The following ARL2 variants were observed in gnomAD, a reference collection of about 807,000 sequenced individuals.
ARL2 encodes the protein ARF like GTPase 2.
In ARL2, 11 loss-of-function variants were observed where a neutral mutation model predicts 22.0. The ratio of observed to expected loss-of-function variants is 0.50; its 90% CI spans 0.31 to 0.83. The LOEUF (loss-of-function observed/expected upper bound fraction) is 0.83. Among genes scored for constraint, ARL2 ranks in the 40% least tolerant of loss-of-function variants. The pLI, the probability that ARL2 is intolerant of heterozygous loss-of-function variation, is 0.04. For synonymous variants in ARL2, 111 were observed against 100.8 expected (o/e 1.10, Z -0.61); for missense variants, 216 against 243.2 (o/e 0.89, Z 0.74).
At chr11:65,015,303 G>T (rs998860057) in intron 1 of ARL2, among the ~76,000 whole-genome samples, 3 of 152,158 alleles carry the variant, frequency 2.0e-5, no homozygotes, top group Non-Finnish European at 4.4e-5. Flanking sequence ...TGTTAGTAGA[G>T]ACGGGGTTTC....
intron 3 of ARL2, chr11:65,019,106 A>G (rs1946296533): frequency 2.3e-6 from 1 of 440,792 alleles, no homozygotes; most frequent in African/African-American, 2.1e-5. Flanking sequence ...GGGTGGTGGC[A>G]CGCACCTATA....
chr11:65,019,996 A>T (rs899139219), intron 3 of ARL2, among the ~76,000 whole-genome samples: 2 of 152,234 alleles, frequency 1.3e-5, no homozygotes, highest in Non-Finnish European at 2.9e-5. Context: ...TCAGAGGTGG[A>T]CAGTGAGGCC....
Position 65,021,745 on chromosome 11 carries a change from A to G in ARL2, c.445A>G (p.Ser149Gly), listed in dbSNP as rs1030977007. Reference protein sequence around the residue: ...REVLELDSIRSHHWCIQGCSA... With the variant: ...REVLELDSIRGHHWCIQGCSA... ...GGTCCTGGAGCTGGACTCCATCCGC[A>G]GCCACCACTGGTGCATCCAGGGCTG... Residue 149 changes from serine to glycine, a missense_variant, in exon 5 of 5, where the codon AGC becomes GGC. Physicochemically the swap from Ser to Gly is moderately conservative, Grantham distance 56. Coordinates refer to ENST00000246747, the MANE Select transcript of ARL2 (RefSeq NM_001667.4). 3.7e-6 allele frequency: 6 copies of G among 1,607,944 alleles called. No individual in the cohort carries two copies. Among genetic ancestry groups the G allele is most frequent in the Non-Finnish European group, 5.1e-6 (6 of 1,177,228 alleles).
Position 65,018,793 on chromosome 11 carries a change from G to A in ARL2, c.339+60G>A. 6.3e-7 allele frequency: 1 copy of A among 1,599,096 alleles called. No individual in the cohort carries two copies. Among genetic ancestry groups the A allele is most frequent in the African/African-American group, 1.3e-5 (1 of 74,908 alleles). ...ACGTGTGGCTGCCTTCTCAGCAGAT[G>A]CCCAGAGGGGCCCGTGGCCCCAGAG... On this transcript the variant is annotated intron_variant, in intron 3 of 4. Coordinates refer to ENST00000246747, the MANE Select transcript of ARL2 (RefSeq NM_001667.4). This position sits in a 1 kb window ranked among gnomAD's most constrained non-coding sequence, Gnocchi z 4.2.
In ARL2 at chr11:65,018,627, G is replaced by A. The variant is rs773171394; in HGVS notation, c.233G>A (p.Arg78Gln). 1.1e-5 allele frequency: 17 copies of A among 1,613,684 alleles called. No individual in the cohort carries two copies. The highest frequency in any genetic ancestry group is 4.5e-5 in the East Asian group (2 of 44,874). ...GGQKSLRSYW[R>Q]NYFESTDGLI... Reference sequence around the variant, plus strand: ...CAGAAGTCCCTGCGGTCCTACTGGCGGAACTACTTTGAGAGCACCGATGGC... The same window carrying A: ...CAGAAGTCCCTGCGGTCCTACTGGCAGAACTACTTTGAGAGCACCGATGGC... Residue 78 changes from arginine to glutamine, a missense_variant, in exon 3 of 5, where the codon CGG becomes CAG. By Grantham distance (43) the Arg-to-Gln change is conservative (BLOSUM62 1). Transcript: ENST00000246747. This position sits in a 1 kb window ranked among gnomAD's most constrained non-coding sequence, Gnocchi z 4.2.
intron 1 of ARL2, among the ~76,000 whole-genome samples, chr11:65,015,356 A>T (rs1946237619): frequency 6.6e-6 from 1 of 152,162 alleles, no homozygotes; most frequent in Admixed American, 6.6e-5. Context: ...ACCTCAAGTG[A>T]TCCACCCGCC....
chr11:65,019,782 G>A (rs1026377231), intron 3 of ARL2, among the ~76,000 whole-genome samples: 1 of 152,182 alleles, frequency 6.6e-6, no homozygotes, highest in African/African-American at 2.4e-5. Context: ...TGAAAATGAG[G>A]ACACTTGTGA....
rs367666014 is a variant in ARL2, at chr11:65,020,489, C to A, written c.410C>A (p.Ala137Asp). 2.7e-5 allele frequency: 43 copies of A among 1,610,364 alleles called. No individual in the cohort carries two copies. Among genetic ancestry groups the A allele is most frequent in the Non-Finnish European group, 3.6e-5 (43 of 1,178,230 alleles). Residue 137 changes from alanine to aspartate, a missense_variant, in exon 4 of 5, where the codon GCC becomes GAC. Coordinates refer to ENST00000246747, the MANE Select transcript of ARL2 (RefSeq NM_001667.4). ...QDLPGALSSN[A>D]IREVLELDSI... Reference sequence around the variant, plus strand: ...CTGCCTGGAGCACTGTCCTCTAACGCCATCCGCGAGGTGAGTCCAGGCCCC... The same window carrying A: ...CTGCCTGGAGCACTGTCCTCTAACGACATCCGCGAGGTGAGTCCAGGCCCC...
Position 65,020,390 on chromosome 11 carries a change from A to G in ARL2, c.340-29A>G. On this transcript the variant is annotated intron_variant, in intron 3 of 4. Transcript: ENST00000246747. ...GGGTCAGGCTGTCCTCTGAGTCCCC[A>G]CCCCACCCCTCTATCTTTTCTCCCC... The G allele has an allele frequency of 1.4e-6, 2 of 1,479,372 alleles. 1 individual carries two copies. The highest frequency in any genetic ancestry group is 2.3e-5 in the South Asian group (2 of 86,720). The allele number at this position is 1,479,372 out of a possible 1,614,324, so 91.6% of individuals were successfully genotyped here.
chr11:65,021,933 C>A lies in ARL2; in HGVS notation c.*78C>A. On this transcript the variant is annotated 3_prime_UTR_variant, in exon 5 of 5. Coordinates refer to ENST00000246747, the MANE Select transcript of ARL2 (RefSeq NM_001667.4). ...ACACTACCCATGGGGGGTTGGGAGT[C>A]AGCCGGCCAAACTAACACTCCCCCT... is the stretch of plus-strand genomic sequence containing the variant. The A allele has an allele frequency of 6.5e-7, 1 of 1,543,626 alleles. No homozygotes were observed. Among genetic ancestry groups the A allele is most frequent in the Non-Finnish European group, 8.8e-7 (1 of 1,142,530 alleles).
chr11:65,015,075 G>A (rs1256564771), intron 1 of ARL2, among the ~76,000 whole-genome samples: 1 of 152,052 alleles, frequency 6.6e-6, no homozygotes, highest in African/African-American at 2.4e-5. Context: ...AAAACTCTGG[G>A]AATATAGGCA....
Position 65,018,417 on chromosome 11 carries a change from A to G in ARL2, c.119A>G (p.Asp40Gly). 2 of 1,609,870 alleles carry G rather than the reference A, an allele frequency of 1.2e-6. No individual in the cohort carries two copies. Among genetic ancestry groups the G allele is most frequent in the Non-Finnish European group, 8.5e-7 (1 of 1,178,482 alleles). ...ATCCTGAAGAAGTTCAATGGGGAGG[A>G]CATCGACACCATCTCCCCAACGCTG... ...TTILKKFNGE[D>G]IDTISPTLGF... Residue 40 changes from aspartate (D) to glycine (G), a missense_variant, in exon 2 of 5, where the codon GAC becomes GGC. Asp to Gly is a moderately conservative substitution (Grantham distance 94). Transcript: ENST00000246747. This position sits in a 1 kb window ranked among gnomAD's most constrained non-coding sequence, Gnocchi z 4.2.
chr11:65,018,990 C>A lies in ARL2; in HGVS notation c.339+257C>A. ...GCCTTGAAATGGTGATGATGACACC[C>A]ACATCACTGGGCTTTAGGGAGGATA... On this transcript the variant is annotated intron_variant, in intron 3 of 4. Transcript: ENST00000246747. This position sits in a 1 kb window ranked among gnomAD's most constrained non-coding sequence, Gnocchi z 4.2. 7.0e-7 allele frequency: 1 copy of A among 1,420,920 alleles called. No homozygotes were observed. Among genetic ancestry groups the A allele is most frequent in the Non-Finnish European group, 9.4e-7 (1 of 1,064,846 alleles). The allele number at this position is 1,420,920 out of a possible 1,614,324, so 88.0% of individuals were successfully genotyped here. A position where few individuals can be genotyped will look rare whatever the true frequency, so the allele number is the denominator to read the frequency against.
In ARL2 at chr11:65,020,327, C is replaced by A. The variant is rs575365501; in HGVS notation, c.340-92C>A. ...GGGGCCTCACCTTGATCTTCCAGGT[C>A]GATCCTTCACCCCAGATGCTCTGGG... On this transcript the variant is annotated intron_variant, in intron 3 of 4. Coordinates refer to ENST00000246747, the MANE Select transcript of ARL2 (RefSeq NM_001667.4). The A allele has an allele frequency of 1.7e-5, 19 of 1,091,400 alleles. No individual in the cohort carries two copies. The East Asian group carries it at 4.6e-4, about 26-fold the overall frequency. 67.6% of individuals were successfully genotyped at this position (1,091,400 alleles called of 1,614,324 possible).
intron 1 of ARL2, among the ~76,000 whole-genome samples, chr11:65,016,205 T>A (rs1177620415): frequency 1.0e-4 from 13 of 124,908 alleles, no homozygotes; most frequent in Admixed American, 6.6e-4. Flanking sequence ...GAAACTCTGT[T>A]AAAAAAAAAA....
Position 65,021,780 on chromosome 11 carries a change from C to T in ARL2, c.480C>T (p.Val160=), listed in dbSNP as rs141724442. 123 of 1,613,196 alleles carry T rather than the reference C, an allele frequency of 7.6e-5. No individual in the cohort carries two copies. In the African/African-American group the frequency reaches 1.6e-3, roughly 20 times the overall value. Residue 160 remains valine (V), a synonymous_variant, in exon 5 of 5, where the codon GTC becomes GTT. Transcript: ENST00000246747. ...HHWCIQGCSA[V]TGENLLPGID... is the part of the protein sequence containing the mutation. ...GGTGCATCCAGGGCTGCAGCGCCGT[C>T]ACCGGGGAGAACCTGCTGCCGGGCA...
intron 4 of ARL2, among the ~76,000 whole-genome samples, chr11:65,020,750 G>T (rs113265730): frequency 0.01 from 1,532 of 152,002 alleles, 26 homozygotes; most frequent in African/African-American, 0.035. Context: ...GCGCCTGTAA[G>T]CCCAGCTACT....
At chr11:65,015,777 C>G (rs1946244614) in intron 1 of ARL2, among the ~76,000 whole-genome samples, 1 of 151,986 alleles carries the variant, frequency 6.6e-6, no homozygotes, top group South Asian at 2.1e-4. Context: ...TATATATTCT[C>G]CATACATACT....
At chr11:65,021,212 C>T (rs1449952006) in intron 4 of ARL2, among the ~76,000 whole-genome samples, 3 of 152,224 alleles carry the variant, frequency 2.0e-5, no homozygotes, top group Admixed American at 2.0e-4. Flanking sequence ...ACTAAATAGA[C>T]AGGAAGCCTG....
Sources: allele counts gnomAD v4.1 joint callset (sites outside exome capture counted in the v4.1 genomes callset), GRCh38; gene constraint gnomAD v4.1.1; non-coding constraint Gnocchi (gnomAD v3.1); transcripts MANE v1.5; gene names NCBI Gene and HGNC (gene_info 2026-07-23, HGNC 2026-07-21).